The following IFT122 variants were observed in gnomAD, a reference collection of about 807,000 sequenced individuals.
The protein encoded by IFT122 is intraflagellar transport protein 122 homolog.
In IFT122, 118 loss-of-function variants were observed where a neutral mutation model predicts 161.6. The observed-to-expected ratio is 0.73, with a 90% CI of 0.63 to 0.85. The LOEUF (loss-of-function observed/expected upper bound fraction) is 0.85, where lower values mean the gene tolerates loss of function less well. Ranked by LOEUF, IFT122 falls within the 40% of genes least tolerant of loss-of-function variation. The probability of loss-of-function intolerance (pLI) is 0.00; values close to 1 mark genes in which losing one functional copy is unlikely to be tolerated. For missense variants in IFT122, 1,381 were observed against 1,579.6 expected, an observed-to-expected ratio of 0.87 and a Z score of 2.13; for synonymous variants, 550 against 602.4, an observed-to-expected ratio of 0.91 and a Z score of 1.27.
chr3:129,465,465 C>CTTTTT (rs61439083), intron 7 of IFT122, among the ~76,000 whole-genome samples: 29 of 101,228 alleles, frequency 2.9e-4, no homozygotes, highest in African/African-American at 3.8e-4. Context: ...ATTATATGCT[C>CTTTTT]TTTTTTTTTT....
chr3:129,500,067 A>G lies in IFT122; in HGVS notation c.2374A>G (p.Met792Val). The change falls in exon 19 of 30, where the codon ATG becomes GTG. Residue 792 changes from methionine (M) to valine (V), a missense_variant and splice_region_variant. Transcript: ENST00000348417. ...CTGTGGTGACCATGGCTGGGTTGAC[A>G]TGTAGGTTTTGGTCCCTGCCCCGAG... ...EICGDHGWVD[M>V]LIDIARKLDK... 6.2e-7 allele frequency: 1 copy of G among 1,614,194 alleles called. No individual in the cohort carries two copies. Among genetic ancestry groups the G allele is most frequent in the African/African-American group, 1.3e-5 (1 of 75,066 alleles).
chr3:129,511,379 T>C (rs1197201683), intron 23 of IFT122, among the ~76,000 whole-genome samples: 3 of 152,134 alleles, frequency 2.0e-5, no homozygotes, highest in Non-Finnish European at 1.5e-5. Context: ...ACTGAAGAAG[T>C]GTAGAGCAAA....
intron 4 of IFT122, chr3:129,459,330 C>A: frequency 2.2e-6 from 1 of 451,072 alleles, no homozygotes; most frequent in South Asian, 1.6e-5. Flanking sequence ...TGCTCTGTTG[C>A]CCAGGCTGGA....
intron 17 of IFT122, among the ~76,000 whole-genome samples, chr3:129,494,549 T>A (rs190583498): frequency 6.6e-6 from 1 of 152,320 alleles, no homozygotes; most frequent in East Asian, 1.9e-4. Flanking sequence ...AATATGCTGC[T>A]CTTTCTAGAA....
At chr3:129,443,104 A>C (rs2073487043) in intron 1 of IFT122, among the ~76,000 whole-genome samples, 1 of 152,204 alleles carries the variant, frequency 6.6e-6, no homozygotes, top group African/African-American at 2.4e-5. Context: ...ATGTCTTTAT[A>C]GGTGTTATCA....
intron 3 of IFT122, 52 bp downstream of exon 3, chr3:129,452,050 ATTTTTCTCT>A: frequency 7.6e-7 from 1 of 1,309,848 alleles, no homozygotes; most frequent in South Asian, 1.2e-5. Context: ...ATCATTGTTC[ATTTTTCTCT>A]TTAGTCACTT....
At chr3:129,481,379 T>G in intron 13 of IFT122, 151 bp from the exon 14 acceptor site, 209 of 605,434 alleles carry the variant, frequency 3.5e-4, no homozygotes, top group East Asian at 1.3e-3. Flanking sequence ...ACCCCCCTCT[T>G]TCTTTTGATG....
intron 18 of IFT122, among the ~76,000 whole-genome samples, chr3:129,499,647 C>T (rs568713469): frequency 6.5e-4 from 98 of 151,190 alleles, no homozygotes; most frequent in African/African-American, 9.8e-4. Flanking sequence ...ATTTGTGAGA[C>T]GGGAAGGAAG....
Position 129,516,725 on chromosome 3 carries a change from C to CAG in IFT122, c.3266-738_3266-737dup, listed in dbSNP as rs142458922. Reference sequence around the variant, plus strand: ...ACACACACACACACACACACACACACAGAGAGACTGCCCCTGCACACACAC... The same window carrying CAG: ...ACACACACACACACACACACACACACAGAGAGAGACTGCCCCTGCACACACAC... On this transcript the variant is annotated intron_variant, in intron 26 of 29. Coordinates refer to ENST00000348417, the MANE Select transcript of IFT122 (RefSeq NM_052989.3). 9.1e-4 allele frequency among the ~76,000 whole-genome samples: 82 copies of CAG among 89,700 alleles called. 1 individual carries two copies. The highest frequency in any genetic ancestry group is 2.4e-3 in the South Asian group (6 of 2,450). The allele number at this position is 89,700 out of a possible 152,430, so 58.8% of individuals were successfully genotyped here.
In IFT122 at chr3:129,488,346, T is replaced by C. The variant is rs2079572646; in HGVS notation, c.1941T>C (p.Arg647=). The C allele has an allele frequency of 1.2e-6, 2 of 1,614,048 alleles. No individual in the cohort carries two copies. The highest frequency in any genetic ancestry group is 1.7e-6 in the Non-Finnish European group (2 of 1,180,040). Residue 647 remains arginine (R), a synonymous_variant, in exon 16 of 30, where the codon CGT becomes CGC. Transcript: ENST00000348417. The stretch of plus-strand genomic sequence containing the variant: ...TGGGTGTCACAGACACTGATTGGCG[T>C]GAACTGGCCATGGAAGCGCTAGAAG... ...ACLGVTDTDW[R]ELAMEALEGL...
chr3:129,457,942 G>T, intron 3 of IFT122: 1 of 157,758 alleles, frequency 6.3e-6, no homozygotes. Flanking sequence ...GTTTCACCGT[G>T]TTGGCCAGGA....
At chr3:129,456,317 A>G in intron 3 of IFT122, 1 of 1,179,644 alleles carries the variant, frequency 8.5e-7, no homozygotes, top group Non-Finnish European at 1.1e-6. Context: ...CATATGGCTC[A>G]CCCTAATATC....
chr3:129,467,781 A>C (rs899327045), intron 8 of IFT122, among the ~76,000 whole-genome samples: 1 of 152,158 alleles, frequency 6.6e-6, no homozygotes, highest in African/African-American at 2.4e-5. Context: ...GACTTTCCAA[A>C]CTGTTTTACA....
intron 25 of IFT122, 152 bp from the exon 26 acceptor site, chr3:129,515,336 T>C (rs1324027280): frequency 2.8e-6 from 2 of 708,164 alleles, no homozygotes; most frequent in Non-Finnish European, 2.6e-6. Flanking sequence ...CCCCATGGCA[T>C]GGAGCTCCTG....
At chr3:129,450,783 C>T (rs56283608) in intron 2 of IFT122, among the ~76,000 whole-genome samples, 13,457 of 143,862 alleles carry the variant, frequency 0.094, 701 homozygotes, top group South Asian at 0.13. Context: ...TGCAGTGACG[C>T]GATCTCGGCT....
chr3:129,452,954 A>T (rs1229643488), intron 3 of IFT122, among the ~76,000 whole-genome samples: 1 of 152,164 alleles, frequency 6.6e-6, no homozygotes. Flanking sequence ...GACAGATTGG[A>T]TATGGGCTAT....
intron 12 of IFT122, among the ~76,000 whole-genome samples, chr3:129,478,761 C>T (rs901970801): frequency 6.6e-6 from 1 of 152,166 alleles, no homozygotes. Context: ...ATACCTTGTT[C>T]TATTGCAGAA....
chr3:129,456,727 C>T (rs1409689982), intron 3 of IFT122, among the ~76,000 whole-genome samples: 1 of 151,996 alleles, frequency 6.6e-6, no homozygotes, highest in Non-Finnish European at 1.5e-5. Flanking sequence ...CCAGCCTGCC[C>T]AACATGGAGA....
At chr3:129,466,684 G>A (rs181547120) in intron 7 of IFT122, among the ~76,000 whole-genome samples, 65 of 151,664 alleles carry the variant, frequency 4.3e-4, no homozygotes, top group Middle Eastern at 6.8e-3. Flanking sequence ...TGTATTTTTG[G>A]TAGAGACAGG....
Sources: gnomAD v4.1 joint callset for allele counts (sites outside exome capture counted in the v4.1 genomes callset) on GRCh38, gnomAD v4.1.1 for gene constraint, MANE v1.5 for transcripts, NCBI Gene and HGNC (gene_info 2026-07-23, HGNC 2026-07-21) for gene names.